The following GARIN5B variants were observed in gnomAD, a reference collection of about 807,000 sequenced individuals.
GARIN5B encodes the protein golgi associated RAB2 interactor family member 5B, also known as Golgi-associated RAB2 interactor protein 5B.
At chr19:55,356,084 C>T in the GARIN5B span, among the ~76,000 whole-genome samples, 26 of 152,030 alleles carry the variant, frequency 1.7e-4, no homozygotes, top group East Asian at 5.8e-4. Context: ...ACGATCACAC[C>T]GCTGCACTCT....
chr19:55,356,944 G>A, the GARIN5B span, among the ~76,000 whole-genome samples: 8 of 152,112 alleles, frequency 5.3e-5, no homozygotes, highest in African/African-American at 9.6e-5. Context: ...CCAGCTACTC[G>A]GCTCCTCAAG....
At chr19:55,361,822 GCCCCTCCTCCCTCA>G in the GARIN5B span, among the ~76,000 whole-genome samples, 3,478 of 80,732 alleles carry the variant, frequency 0.043, 501 homozygotes, top group Middle Eastern at 0.095. Context: ...GAGTCCCCCA[GCCCCTCCTCCCTCA>G]GACCCAGGAG....
At chr19:55,355,496 T>C in the GARIN5B span, among the ~76,000 whole-genome samples, 5 of 151,950 alleles carry the variant, frequency 3.3e-5, no homozygotes, top group Admixed American at 6.6e-5. Context: ...TGTATCTGCC[T>C]GGGGCAGAGT....
At chr19:55,361,109 G>C in the GARIN5B span, 7 of 1,551,256 alleles carry the variant, frequency 4.5e-6, no homozygotes, top group Non-Finnish European at 6.1e-6. Flanking sequence ...AGCGCCTGGA[G>C]TGGGTGAGGA....
chr19:55,361,710 TCC>T, the GARIN5B span, among the ~76,000 whole-genome samples: 8 of 40,266 alleles, frequency 2.0e-4, no homozygotes, highest in South Asian at 1.9e-3. Flanking sequence ...GACCCAGGAG[TCC>T]CCAGCCCCTC....
the GARIN5B span, chr19:55,359,380 A>G: frequency 1.9e-6 from 3 of 1,549,114 alleles, no homozygotes; most frequent in African/African-American, 2.8e-5. Flanking sequence ...GGGGTGGGGC[A>G]GGTACGGCTG....
chr19:55,359,409 C>G, the GARIN5B span: 2 of 1,549,844 alleles, frequency 1.3e-6, no homozygotes, highest in Non-Finnish European at 1.7e-6. Context: ...CGGGGAGAAG[C>G]TGACGCAGCT....
At chr19:55,357,841 G>T in the GARIN5B span, among the ~76,000 whole-genome samples, 3 of 152,122 alleles carry the variant, frequency 2.0e-5, no homozygotes, top group African/African-American at 7.2e-5. Flanking sequence ...ATCACTTGAG[G>T]TCAGGAGTTC....
At chr19:55,362,388 C>T in the GARIN5B span, 52 of 1,550,576 alleles carry the variant, frequency 3.4e-5, 1 homozygote, top group Middle Eastern at 1.2e-3. Flanking sequence ...AAGCCCACCT[C>T]GTTGTCAGGG....
chr19:55,358,093 G>C, the GARIN5B span: 19 of 1,380,848 alleles, frequency 1.4e-5, no homozygotes, highest in Admixed American at 3.3e-5. Context: ...GATCATCTCT[G>C]TCTCATAAAC....
At chr19:55,355,227 T>G in the GARIN5B span, 4 of 577,216 alleles carry the variant, frequency 6.9e-6, no homozygotes, top group Non-Finnish European at 1.0e-5. Flanking sequence ...CGCCCCCAGG[T>G]CTAAGGCAGA....
At chr19:55,361,323 A>C in the GARIN5B span, 26 of 1,538,816 alleles carry the variant, frequency 1.7e-5, no homozygotes, top group East Asian at 6.1e-4. Flanking sequence ...GGGCCCCACC[A>C]AGGAAGGGGG....
the GARIN5B span, chr19:55,361,405 C>A: frequency 6.6e-7 from 1 of 1,525,322 alleles, no homozygotes; most frequent in Non-Finnish European, 8.8e-7. Context: ...GCAGGGCCTG[C>A]TCACCTGCAT....
the GARIN5B span, chr19:55,361,388 A>T: frequency 6.5e-7 from 1 of 1,533,808 alleles, no homozygotes. Context: ...AGAGGTCCTG[A>T]CAAACAGCAG....
At chr19:55,356,520 C>G in the GARIN5B span, among the ~76,000 whole-genome samples, 1 of 151,986 alleles carries the variant, frequency 6.6e-6, no homozygotes, top group Non-Finnish European at 1.5e-5. Flanking sequence ...CTTGGCCAGG[C>G]TGGTCTTGAA....
chr19:55,358,134 A>T, the GARIN5B span: 5 of 1,456,812 alleles, frequency 3.4e-6, no homozygotes, highest in African/African-American at 7.2e-5. Context: ...ATAGCTGCTA[A>T]CCCCCGCTAC....
At chr19:55,360,782 G>A in the GARIN5B span, 1 of 1,551,700 alleles carries the variant, frequency 6.4e-7, no homozygotes, top group Admixed American at 2.0e-5. Context: ...GGATGGGGGA[G>A]CCGTCTGAGC....
At chr19:55,359,934 C>A in the GARIN5B span, 1 of 1,551,018 alleles carries the variant, frequency 6.4e-7, no homozygotes, top group Non-Finnish European at 8.7e-7. Context: ...GGGCTCTCAA[C>A]CACATGTCCC....
chr19:55,355,368 A>C, the GARIN5B span: 1 of 1,549,902 alleles, frequency 6.5e-7, no homozygotes, highest in Non-Finnish European at 8.7e-7. Context: ...AGCAAGCCAG[A>C]GAGAGCTTTG....
Sources: gnomAD v4.1 joint callset for allele counts (sites outside exome capture counted in the v4.1 genomes callset) on GRCh38, gnomAD v4.1.1 for gene constraint, MANE v1.5 for transcripts, NCBI Gene and HGNC (gene_info 2026-07-23, HGNC 2026-07-21) for gene names.